The following NFIB variants were observed in gnomAD, a reference collection of about 807,000 sequenced individuals.
The protein encoded by NFIB is nuclear factor 1 B-type.
In NFIB, 11 loss-of-function variants were observed where a neutral mutation model predicts 61.5. The ratio of observed to expected loss-of-function variants is 0.18; its 90% CI spans 0.11 to 0.30. The LOEUF (loss-of-function observed/expected upper bound fraction) is 0.30, where lower values mean the gene tolerates loss of function less well. Among genes scored for constraint, NFIB ranks in the 10% least tolerant of loss-of-function variants. The pLI, the probability that NFIB is intolerant of heterozygous loss-of-function variation, is 1.00. For synonymous variants in NFIB, 260 were observed against 216.5 expected, an observed-to-expected ratio of 1.20 and a Z score of -1.76; for missense variants, 471 against 608.9, an observed-to-expected ratio of 0.77 and a Z score of 2.38.
chr9:14,282,593 T>A (rs1588113180), intron 2 of NFIB, among the ~76,000 whole-genome samples: 1 of 152,220 alleles, frequency 6.6e-6, no homozygotes, highest in African/African-American at 2.4e-5. Context: ...TAAAACAGTC[T>A]CATCTATTTG....
intron 2 of NFIB, among the ~76,000 whole-genome samples, chr9:14,182,920 A>G (rs1239983463): frequency 6.6e-6 from 1 of 152,082 alleles, no homozygotes; most frequent in Non-Finnish European, 1.5e-5. Flanking sequence ...ATTAAGCACC[A>G]AAAGCATTGG....
the NFIB span, among the ~76,000 whole-genome samples, chr9:14,525,566 C>G: frequency 5.3e-5 from 8 of 151,962 alleles, no homozygotes; most frequent in African/African-American, 1.9e-4. Context: ...GGAGGCCCTC[C>G]GTAGTCATTG....
intron 2 of NFIB, among the ~76,000 whole-genome samples, chr9:14,263,235 T>C (rs1434123348): frequency 6.6e-6 from 1 of 152,060 alleles, no homozygotes; most frequent in Non-Finnish European, 1.5e-5. Context: ...CTTACTGCAT[T>C]ATTTAAAGGT....
At chr9:14,098,462 A>G (rs1028581809) in intron 10 of NFIB, among the ~76,000 whole-genome samples, 2 of 152,182 alleles carry the variant, frequency 1.3e-5, no homozygotes, top group Non-Finnish European at 2.9e-5. Context: ...TTTTCATTCA[A>G]TTATATTGAT....
chr9:14,118,309 C>T (rs693566), intron 8 of NFIB, among the ~76,000 whole-genome samples: 18,838 of 152,068 alleles, frequency 0.12, 1,482 homozygotes, highest in Non-Finnish European at 0.18. Context: ...CCAAAACAGT[C>T]TGAAAGTACC....
chr9:14,442,116 G>T, the NFIB span, among the ~76,000 whole-genome samples: 1 of 152,172 alleles, frequency 6.6e-6, no homozygotes, highest in Non-Finnish European at 1.5e-5. Context: ...CACAGGCAGA[G>T]CTGCCAGGGC....
the NFIB span, among the ~76,000 whole-genome samples, chr9:14,443,575 A>G: frequency 6.6e-6 from 1 of 152,054 alleles, no homozygotes; most frequent in African/African-American, 2.4e-5. Context: ...CATTCCATTT[A>G]TTCTAACCTG....
intron 2 of NFIB, among the ~76,000 whole-genome samples, chr9:14,197,869 G>A (rs929836825): frequency 3.3e-5 from 5 of 152,084 alleles, no homozygotes; most frequent in South Asian, 4.2e-4. Context: ...AAAGGTTCAC[G>A]GCTAGACCAT....
the NFIB span, among the ~76,000 whole-genome samples, chr9:14,444,242 T>C: frequency 6.6e-6 from 1 of 152,176 alleles, no homozygotes; most frequent in African/African-American, 2.4e-5. Flanking sequence ...GAAGCTGCAA[T>C]ATATAGATGA....
Position 14,307,635 on chromosome 9 carries a change from C to T in NFIB, c.31-115G>A, listed in dbSNP as rs921644066. ...TTCCAATTCAGTACAAAAAGTTATA[C>T]ATGAAAATAACATTCCTTTCTTATT... On this transcript the variant is annotated intron_variant, in intron 1 of 10. Transcript: ENST00000380953. The surrounding 1 kb of genome is among the most constrained non-coding windows in gnomAD (Gnocchi z 5.3). 7.1e-6 allele frequency: 7 copies of T among 980,356 alleles called. No individual in the cohort carries two copies. The highest frequency in any genetic ancestry group is 1.0e-5 in the Non-Finnish European group (7 of 700,068). The allele number at this position is 980,356 out of a possible 1,614,324, so 60.7% of individuals were successfully genotyped here.
intron 1 of NFIB, among the ~76,000 whole-genome samples, chr9:14,372,160 T>C (rs1425420280): frequency 2.6e-5 from 4 of 152,074 alleles, no homozygotes; most frequent in East Asian, 1.9e-4. Flanking sequence ...ATGGCTCTTA[T>C]TGAAAACAAG....
At chr9:14,127,852 G>A (rs547157802) in intron 6 of NFIB, among the ~76,000 whole-genome samples, 1 of 150,242 alleles carries the variant, frequency 6.7e-6, no homozygotes, top group Admixed American at 6.7e-5. Flanking sequence ...GTAGCTGTAA[G>A]CTACAATTTG....
At chr9:14,398,798 A>G (rs759227090) in exon 1 of NFIB, 8 of 542,138 alleles carry the variant, frequency 1.5e-5, no homozygotes, top group Non-Finnish European at 2.2e-5. Context: ...ATCTTTATGG[A>G]GCAGAGCAAG....
At chr9:14,395,208 T>G (rs1462033679) in intron 1 of NFIB, among the ~76,000 whole-genome samples, 1 of 151,664 alleles carries the variant, frequency 6.6e-6, no homozygotes, top group East Asian at 1.9e-4. Flanking sequence ...ACCCCATCGC[T>G]GCTCAGAACA....
intron 1 of NFIB, among the ~76,000 whole-genome samples, chr9:14,352,312 T>C (rs1052703256): frequency 2.0e-4 from 31 of 152,186 alleles, no homozygotes; most frequent in Non-Finnish European, 3.8e-4. Context: ...ATCATTATTT[T>C]ATGAGTGTGG....
At chr9:14,303,480 T>A (rs552082949) in intron 2 of NFIB, among the ~76,000 whole-genome samples, 1 of 152,316 alleles carries the variant, frequency 6.6e-6, no homozygotes, top group African/African-American at 2.4e-5. Flanking sequence ...TTTAATATCT[T>A]TGGGAAAATA....
At chr9:14,284,034 G>C (rs1048818057) in intron 2 of NFIB, among the ~76,000 whole-genome samples, 1 of 152,232 alleles carries the variant, frequency 6.6e-6, no homozygotes, top group East Asian at 1.9e-4. Flanking sequence ...AGAAGTAGTG[G>C]GAGTGAAGCT....
chr9:14,116,082 T>C (rs1480961650), intron 9 of NFIB, 126 bp downstream of exon 9: 1 of 1,155,192 alleles, frequency 8.7e-7, no homozygotes, highest in African/African-American at 1.6e-5. Context: ...AATCTCCATC[T>C]GGTCAGGTAG....
the NFIB span, among the ~76,000 whole-genome samples, chr9:14,528,440 C>T: frequency 6.6e-6 from 1 of 152,134 alleles, no homozygotes; most frequent in African/African-American, 2.4e-5. Context: ...CAAAGAATAA[C>T]CTTGGATAAC....
Sources: gnomAD v4.1 joint callset for allele counts (sites outside exome capture counted in the v4.1 genomes callset) on GRCh38, gnomAD v4.1.1 for gene constraint, Gnocchi (gnomAD v3.1) non-coding constraint, MANE v1.5 for transcripts, NCBI Gene and HGNC (gene_info 2026-07-23, HGNC 2026-07-21) for gene names.